Variants in LRRC7 observed in about 807,000 individuals in gnomAD.
LRRC7 encodes leucine rich repeat containing 7, also known as leucine-rich repeat-containing protein 7.
In LRRC7, 23 loss-of-function variants were observed where a neutral mutation model predicts 175.7. The observed-to-expected ratio is 0.13, with a 90% CI of 0.09 to 0.19. The LOEUF (loss-of-function observed/expected upper bound fraction) is 0.19, where lower values mean the gene tolerates loss of function less well. Ranked by LOEUF, LRRC7 falls within the 10% of genes least tolerant of loss-of-function variation. The probability of loss-of-function intolerance (pLI) is 1.00; values close to 1 mark genes in which losing one functional copy is unlikely to be tolerated. For missense variants in LRRC7, 1,354 were observed against 1,904.7 expected, an observed-to-expected ratio of 0.71 and a Z score of 5.38; for synonymous variants, 685 against 680.9, an observed-to-expected ratio of 1.01 and a Z score of -0.09.
intron 8 of LRRC7, among the ~76,000 whole-genome samples, chr1:69,940,651 T>C (rs1170243317): frequency 6.6e-6 from 1 of 151,978 alleles, no homozygotes; most frequent in African/African-American, 2.4e-5. Context: ...AATCAGACTT[T>C]ACAAGGAAAA....
At chr1:69,708,206 T>C (rs1664283717) in intron 2 of LRRC7, among the ~76,000 whole-genome samples, 1 of 152,208 alleles carries the variant, frequency 6.6e-6, no homozygotes, top group African/African-American at 2.4e-5. Flanking sequence ...TTGCTATATA[T>C]ATAAGTGAAT....
intron 2 of LRRC7, among the ~76,000 whole-genome samples, chr1:69,699,319 A>T (rs1302865457): frequency 6.6e-6 from 1 of 152,142 alleles, no homozygotes; most frequent in Non-Finnish European, 1.5e-5. Context: ...AGGCAGGTGG[A>T]TCACAAGGTC....
At chr1:69,887,977 T>C (rs1228132609) in intron 7 of LRRC7, among the ~76,000 whole-genome samples, 1 of 134,496 alleles carries the variant, frequency 7.4e-6, no homozygotes, top group Non-Finnish European at 1.6e-5. Context: ...CTGCCCGTTC[T>C]CAGATCTCCA....
intron 5 of LRRC7, 120 bp from the exon 6 acceptor site, chr1:69,834,660 C>T (rs1680907839): frequency 1.2e-6 from 1 of 821,570 alleles, no homozygotes; most frequent in Non-Finnish European, 2.0e-6. Flanking sequence ...TACTGTAATA[C>T]CAAAGGAGAG....
At chr1:69,594,980 A>G (rs949392284) in intron 1 of LRRC7, among the ~76,000 whole-genome samples, 4 of 152,008 alleles carry the variant, frequency 2.6e-5, no homozygotes, top group African/African-American at 9.7e-5. Flanking sequence ...AGAAGATGAC[A>G]TTACTATACC....
intron 23 of LRRC7, among the ~76,000 whole-genome samples, chr1:70,063,692 A>G (rs1661753761): frequency 6.6e-6 from 1 of 152,006 alleles, no homozygotes; most frequent in Non-Finnish European, 1.5e-5. Flanking sequence ...TTGTTGTCAA[A>G]CTTTTATCGT....
At chr1:69,657,106 T>C (rs867820184) in intron 1 of LRRC7, among the ~76,000 whole-genome samples, 6 of 151,676 alleles carry the variant, frequency 4.0e-5, no homozygotes, top group South Asian at 2.1e-4. Context: ...TAGATACTTA[T>C]ATTGTGTGTG....
Position 70,142,857 on chromosome 1 carries a change from G to C in LRRC7, c.*20970G>C, listed in dbSNP as rs149876871. ...ACAGTGGTAGGTTTTCAGATGGTTTGTTAAGAATTATATGTAAAAGGATAC... is the reference window on the plus strand; with the variant it reads ...ACAGTGGTAGGTTTTCAGATGGTTTCTTAAGAATTATATGTAAAAGGATAC... On this transcript the variant is annotated 3_prime_UTR_variant, in exon 27 of 27. Coordinates refer to ENST00000651989, the MANE Select transcript of LRRC7 (RefSeq NM_001370785.2). 1 of 151,954 alleles carries C rather than the reference G, an allele frequency of 6.6e-6. No homozygotes were observed. Among genetic ancestry groups the C allele is most frequent in the Non-Finnish European group, 1.5e-5 (1 of 67,964 alleles). The allele number at this position is 151,954 out of a possible 1,614,324, so 9.4% of individuals were successfully genotyped here.
intron 7 of LRRC7, among the ~76,000 whole-genome samples, chr1:69,863,850 A>G (rs188926832): frequency 6.6e-6 from 1 of 152,126 alleles, no homozygotes; most frequent in Non-Finnish European, 1.5e-5. Flanking sequence ...TTCCACCTTA[A>G]AAACCATAAT....
At chr1:69,854,912 C>T (rs1386867807) in intron 7 of LRRC7, among the ~76,000 whole-genome samples, 1 of 151,996 alleles carries the variant, frequency 6.6e-6, no homozygotes, top group African/African-American at 2.4e-5. Flanking sequence ...TGGGGGGGAC[C>T]TGGGCTTTAG....
At chr1:69,579,074 A>G (rs557672905) in intron 1 of LRRC7, among the ~76,000 whole-genome samples, 2 of 152,290 alleles carry the variant, frequency 1.3e-5, no homozygotes, top group Admixed American at 1.3e-4. Context: ...CAATGGAAAC[A>G]ATAGCATATT....
chr1:69,718,822 A>G (rs1450565349), intron 2 of LRRC7, among the ~76,000 whole-genome samples: 1 of 151,876 alleles, frequency 6.6e-6, no homozygotes, highest in Non-Finnish European at 1.5e-5. Context: ...AATGCTCCTG[A>G]AAATTCTAGG....
chr1:69,756,353 CTTATCAA>C, intron 2 of LRRC7, among the ~76,000 whole-genome samples: 1 of 151,544 alleles, frequency 6.6e-6, no homozygotes, highest in Non-Finnish European at 1.5e-5. Flanking sequence ...AAATGAAGAA[CTTATCAA>C]TTAAATAATA....
At chr1:70,021,785 C>T (rs542465831) in intron 16 of LRRC7, among the ~76,000 whole-genome samples, 1 of 152,214 alleles carries the variant, frequency 6.6e-6, no homozygotes, top group East Asian at 1.9e-4. Flanking sequence ...TGTATTTCTC[C>T]ATTACTTACA....
rs908430351 is a variant in LRRC7, at chr1:69,858,068, C to T, written c.647+19785C>T. Among the ~76,000 whole-genome samples the T allele has an allele frequency of 4.9e-4, 75 of 152,234 alleles. 2 individuals are homozygous for T. Among genetic ancestry groups the T allele is most frequent in the African/African-American group, 1.7e-3 (69 of 41,546 alleles). On this transcript the variant is annotated intron_variant, in intron 7 of 26. Transcript: ENST00000651989. ...AAACTGGCTAGCCATATGTAGAAAG[C>T]TGAAACTGGATCCCTTCCTTACACC... is the stretch of plus-strand genomic sequence containing the variant.
At chr1:69,884,785 G>A (rs1336801004) in intron 7 of LRRC7, among the ~76,000 whole-genome samples, 14 of 146,632 alleles carry the variant, frequency 9.5e-5, no homozygotes, top group African/African-American at 2.4e-4. Context: ...TTTGAAATAC[G>A]TCCCATCAAT....
At chr1:69,911,880 G>A (rs1004600562) in intron 7 of LRRC7, among the ~76,000 whole-genome samples, 1 of 150,600 alleles carries the variant, frequency 6.6e-6, no homozygotes, top group Non-Finnish European at 1.5e-5. Context: ...GCCAAACTCT[G>A]TAAAAGCACG....
At chr1:69,747,833 G>A (rs909684008) in intron 2 of LRRC7, among the ~76,000 whole-genome samples, 11 of 152,028 alleles carry the variant, frequency 7.2e-5, no homozygotes, top group Admixed American at 3.3e-4. Flanking sequence ...AAATCATTCC[G>A]TTTTTAAATG....
At chr1:69,676,168 C>G (rs1246395106) in intron 1 of LRRC7, among the ~76,000 whole-genome samples, 1 of 151,904 alleles carries the variant, frequency 6.6e-6, no homozygotes, top group Non-Finnish European at 1.5e-5. Context: ...CCACAAAAAG[C>G]CTTTTTATCT....
Sources: allele counts gnomAD v4.1 joint callset (sites outside exome capture counted in the v4.1 genomes callset), GRCh38; gene constraint gnomAD v4.1.1; transcripts MANE v1.5; gene names NCBI Gene and HGNC (gene_info 2026-07-23, HGNC 2026-07-21).